Variants in CLSPN observed in about 807,000 individuals in gnomAD.
CLSPN encodes claspin.
A neutral mutation model predicts 156.3 loss-of-function variants in CLSPN; 85 were observed. That is an observed-to-expected ratio of 0.54 (90% CI 0.46 to 0.65). The LOEUF (loss-of-function observed/expected upper bound fraction) is 0.65. Among genes scored for constraint, CLSPN ranks in the 30% least tolerant of loss-of-function variants. The pLI, the probability that CLSPN is intolerant of heterozygous loss-of-function variation, is 0.00. For synonymous variants in CLSPN, 534 were observed against 542.4 expected (o/e 0.98, Z 0.22); for missense variants, 1,407 against 1,554.9 (o/e 0.90, Z 1.60).
intron 24 of CLSPN, among the ~76,000 whole-genome samples, chr1:35,723,801 A>G (rs1443034354): frequency 6.6e-6 from 1 of 152,130 alleles, no homozygotes; most frequent in Non-Finnish European, 1.5e-5. Flanking sequence ...GACCAGCCTG[A>G]TCAACATGGT....
chr1:35,763,045 C>T (rs1034599299), intron 4 of CLSPN, 115 bp downstream of exon 4: 44 of 782,576 alleles, frequency 5.6e-5, no homozygotes, highest in Non-Finnish European at 7.8e-5. Flanking sequence ...CTTAAGTCAA[C>T]TGACACAAGT....
intron 15 of CLSPN, 98 bp from the exon 16 acceptor site, chr1:35,745,660 G>A (rs1641854951): frequency 3.7e-6 from 3 of 811,838 alleles, no homozygotes; most frequent in Admixed American, 2.4e-5. Context: ...ACAGTTCTAA[G>A]GTAAGCTTGC....
chr1:35,741,915 A>G (rs1032196804), intron 18 of CLSPN, among the ~76,000 whole-genome samples: 3 of 129,910 alleles, frequency 2.3e-5, no homozygotes, highest in African/African-American at 8.5e-5. Flanking sequence ...CGGAGGTTGC[A>G]GTGAGCCGAG....
In CLSPN at chr1:35,769,943, CCG is replaced by C; in HGVS notation, c.-75_-74del. The C allele has an allele frequency of 8.3e-6, 13 of 1,557,884 alleles. No individual in the cohort carries two copies. The South Asian group carries it at 1.5e-4, about 18-fold the overall frequency. On this transcript the variant is annotated 5_prime_UTR_variant, in exon 1 of 25. Transcript: ENST00000318121. Reference sequence around the variant, plus strand: ...TCCCTCAGCCGGAGAGCAGCGGCTCCCGCCGTCTCCAGCCCAGCAGTGCTGTT... The same window carrying C: ...TCCCTCAGCCGGAGAGCAGCGGCTCCCCGTCTCCAGCCCAGCAGTGCTGTT...
intron 12 of CLSPN, among the ~76,000 whole-genome samples, chr1:35,749,130 T>G (rs1641997978): frequency 1.3e-5 from 2 of 152,026 alleles, no homozygotes; most frequent in African/African-American, 2.4e-5. Flanking sequence ...TGGCCGAAAG[T>G]TCTCTTCTTT....
At chr1:35,721,443 A>G (rs1391137603) in intron 24 of CLSPN, among the ~76,000 whole-genome samples, 3 of 152,168 alleles carry the variant, frequency 2.0e-5, no homozygotes, top group African/African-American at 7.2e-5. Flanking sequence ...GCTGGAGTGC[A>G]GTGGCGCGAT....
At chr1:35,761,336 G>A in intron 6 of CLSPN, 132 bp from the exon 7 acceptor site, 1 of 549,802 alleles carries the variant, frequency 1.8e-6, no homozygotes. Flanking sequence ...AAAGGCAGAG[G>A]AGCTAAGTAC....
At chr1:35,739,695 A>C (rs1269246791) in intron 18 of CLSPN, among the ~76,000 whole-genome samples, 166 bp from the exon 19 acceptor site, 2 of 152,222 alleles carry the variant, frequency 1.3e-5, no homozygotes, top group Non-Finnish European at 2.9e-5. Flanking sequence ...GTTTGACTTA[A>C]TGATTTTTCA....
In CLSPN at chr1:35,733,364, A is replaced by T; in HGVS notation, c.*3132T>A. ...GAGTTGGGATTTCACCATGTTTCCC[A>T]GGCTGGTCTCGAACTCCTGAGTTCA... On this transcript the variant is annotated 3_prime_UTR_variant, in exon 25 of 25. Transcript: ENST00000318121. 3.3e-6 allele frequency: 1 copy of T among 304,618 alleles called. No homozygotes were observed. Among genetic ancestry groups the T allele is most frequent in the Non-Finnish European group, 4.5e-6 (1 of 223,288 alleles). 18.9% of individuals were successfully genotyped at this position (304,618 alleles called of 1,614,324 possible). A position where few individuals can be genotyped will look rare whatever the true frequency, so the allele number is the denominator to read the frequency against.
chr1:35,760,276 T>C (rs1642427706), intron 8 of CLSPN, 66 bp downstream of exon 8: 2 of 1,258,894 alleles, frequency 1.6e-6, no homozygotes, highest in Non-Finnish European at 2.2e-6. Flanking sequence ...TCCTCGACAG[T>C]AGTCAATAAT....
intron 1 of CLSPN, among the ~76,000 whole-genome samples, chr1:35,769,434 CCT>C (rs777819656): frequency 1.3e-5 from 2 of 152,228 alleles, no homozygotes; most frequent in African/African-American, 4.8e-5. Flanking sequence ...CCTCGCTCGC[CCT>C]CTCTCTGCGG....
At chr1:35,768,328 A>G (rs1362875895) in intron 1 of CLSPN, among the ~76,000 whole-genome samples, 1 of 151,912 alleles carries the variant, frequency 6.6e-6, no homozygotes, top group Non-Finnish European at 1.5e-5. Context: ...AGATTGTGCC[A>G]CTGCACTCCA....
At chr1:35,768,425 T>G (rs990619542) in intron 1 of CLSPN, among the ~76,000 whole-genome samples, 1 of 149,760 alleles carries the variant, frequency 6.7e-6, no homozygotes. Context: ...TTTTTTTTTT[T>G]GATACAGTGT....
At chr1:35,754,615 G>A (rs1180148855) in intron 8 of CLSPN, among the ~76,000 whole-genome samples, 2 of 152,204 alleles carry the variant, frequency 1.3e-5, no homozygotes, top group Admixed American at 1.3e-4. Flanking sequence ...CCAAAGTGCT[G>A]GGATCAAATT....
At chr1:35,769,529 C>T (rs115460635) in intron 1 of CLSPN, among the ~76,000 whole-genome samples, 1,703 of 152,340 alleles carry the variant, frequency 0.011, 22 homozygotes, top group African/African-American at 0.038. Flanking sequence ...GCTTCCGCGA[C>T]AGGAAACGCG....
Position 35,732,893 on chromosome 1 carries a change from C to T in CLSPN, c.*3603G>A, listed in dbSNP as rs562527486. 2.9e-5 allele frequency: 29 copies of T among 985,446 alleles called. No individual in the cohort carries two copies. The African/African-American group carries it at 4.9e-4, about 17-fold the overall frequency. The allele number at this position is 985,446 out of a possible 1,614,324, so 61.0% of individuals were successfully genotyped here. A position where few individuals can be genotyped will look rare whatever the true frequency, so the allele number is the denominator to read the frequency against. ...CATCCTGGCATAAGGAAAAGTAACC[C>T]AGAGTTTGACTCAAGTTTTCTTTCT... On this transcript the variant is annotated 3_prime_UTR_variant, in exon 25 of 25. Transcript: ENST00000318121.
rs80209680 is a variant in CLSPN, at chr1:35,736,218, TAAAA to T, written c.*274_*277del. 73 of 895,186 alleles carry T rather than the reference TAAAA, an allele frequency of 8.2e-5. No homozygotes were observed. The Middle Eastern group carries it at 1.7e-3, about 21-fold the overall frequency. The allele number at this position is 895,186 out of a possible 1,614,324, so 55.5% of individuals were successfully genotyped here. A position where few individuals can be genotyped will look rare whatever the true frequency, so the allele number is the denominator to read the frequency against. The stretch of plus-strand genomic sequence containing the variant: ...GGGCAACAGAGTGAGACTCCCATCT[TAAAA>T]AAAAAAAAAAAAAGGAAACCTCACC... On this transcript the variant is annotated 3_prime_UTR_variant, in exon 25 of 25. Coordinates refer to ENST00000318121, the MANE Select transcript of CLSPN (RefSeq NM_022111.4).
chr1:35,754,662 A>G (rs1333313918), intron 8 of CLSPN, among the ~76,000 whole-genome samples: 1 of 152,206 alleles, frequency 6.6e-6, no homozygotes, highest in Admixed American at 6.5e-5. Flanking sequence ...CAATCTTACT[A>G]AATATAGGCA....
In CLSPN at chr1:35,736,218, TAAAAAAAAA is replaced by T. The variant is rs80209680; in HGVS notation, c.*269_*277del. On this transcript the variant is annotated 3_prime_UTR_variant, in exon 25 of 25. Transcript: ENST00000318121. ...GGGCAACAGAGTGAGACTCCCATCT[TAAAAAAAAA>T]AAAAAAAAGGAAACCTCACCCAAGT... 1.1e-6 allele frequency: 1 copy of T among 895,670 alleles called. No individual in the cohort carries two copies. The highest frequency in any genetic ancestry group is 7.1e-5 in the Admixed American group (1 of 14,000). 55.5% of individuals were successfully genotyped at this position (895,670 alleles called of 1,614,324 possible).
Sources: gnomAD v4.1 joint callset for allele counts (sites outside exome capture counted in the v4.1 genomes callset) on GRCh38, gnomAD v4.1.1 for gene constraint, MANE v1.5 for transcripts, NCBI Gene and HGNC (gene_info 2026-07-23, HGNC 2026-07-21) for gene names.